GRM7: variants seen among roughly 807,000 people sequenced by gnomAD.
GRM7 encodes glutamate metabotropic receptor 7.
A neutral mutation model predicts 84.5 loss-of-function variants in GRM7; 35 were observed. That is an observed-to-expected ratio of 0.41 (90% CI 0.32 to 0.55). The LOEUF (loss-of-function observed/expected upper bound fraction) is 0.55, where lower values mean the gene tolerates loss of function less well. GRM7 is among the 20% of genes least tolerant of loss of function. The pLI, the probability that GRM7 is intolerant of heterozygous loss-of-function variation, is 0.19. For missense variants in GRM7, 1,003 were observed against 1,194.6 expected (o/e 0.84, Z 2.36); for synonymous variants, 487 against 455.1 (o/e 1.07, Z -0.89).
chr3:6,965,845 G>A (rs1167594832), intron 1 of GRM7, among the ~76,000 whole-genome samples: 1 of 152,116 alleles, frequency 6.6e-6, no homozygotes, highest in Non-Finnish European at 1.5e-5. Flanking sequence ...TGCTATTGAG[G>A]GGTCTGCTGA....
chr3:7,436,036 G>T (rs535208556), intron 5 of GRM7, among the ~76,000 whole-genome samples: 1 of 151,282 alleles, frequency 6.6e-6, no homozygotes, highest in Non-Finnish European at 1.5e-5. Context: ...TAGTAGAGAC[G>T]AAGTTTCACC....
At chr3:6,879,724 C>T (rs531923932) in intron 1 of GRM7, among the ~76,000 whole-genome samples, 4 of 152,298 alleles carry the variant, frequency 2.6e-5, no homozygotes, top group African/African-American at 9.6e-5. Context: ...AGGAAGAATT[C>T]TGGGAACCTG....
At chr3:7,395,038 CAA>C (rs33944777) in intron 4 of GRM7, among the ~76,000 whole-genome samples, 53,306 of 135,706 alleles carry the variant, frequency 0.39, 10,179 homozygotes, top group Non-Finnish European at 0.43. Flanking sequence ...AACTCTGTCT[CAA>C]AAAAAAAAAA....
chr3:7,473,504 GAGAGAGAGA>G (rs1368470798), intron 7 of GRM7, among the ~76,000 whole-genome samples: 70 of 150,608 alleles, frequency 4.6e-4, no homozygotes, highest in African/African-American at 1.7e-3. Context: ...GAGAGAGAGA[GAGAGAGAGA>G]GAGAGAGAGA....
At chr3:7,502,783 A>G (rs183660801) in intron 7 of GRM7, among the ~76,000 whole-genome samples, 2 of 152,300 alleles carry the variant, frequency 1.3e-5, no homozygotes, top group East Asian at 1.9e-4. Flanking sequence ...TCCTAAGTGG[A>G]TGAGGATATT....
chr3:7,181,657 G>T (rs1223453858), intron 2 of GRM7, among the ~76,000 whole-genome samples: 2 of 152,106 alleles, frequency 1.3e-5, no homozygotes, highest in African/African-American at 2.4e-5. Flanking sequence ...CACCCAGGCT[G>T]GAGTGCGGTG....
At chr3:7,598,167 G>C (rs1216673225) in intron 8 of GRM7, among the ~76,000 whole-genome samples, 2 of 152,330 alleles carry the variant, frequency 1.3e-5, no homozygotes, top group East Asian at 1.9e-4. Flanking sequence ...GGAATATAGA[G>C]ATGCATAGGT....
intron 7 of GRM7, among the ~76,000 whole-genome samples, chr3:7,487,076 T>C (rs528538779): frequency 1.1e-4 from 16 of 152,256 alleles, no homozygotes; most frequent in Admixed American, 2.6e-4. Context: ...AATACAGTTG[T>C]GAAGAACTTG....
chr3:7,368,745 G>A (rs988515605), intron 4 of GRM7, among the ~76,000 whole-genome samples: 9 of 152,110 alleles, frequency 5.9e-5, no homozygotes, highest in African/African-American at 2.2e-4. Context: ...ACAGAGGGCT[G>A]AACTGTTCTT....
At chr3:7,706,446 AGG>A (rs1701391749) in intron 9 of GRM7, among the ~76,000 whole-genome samples, 1 of 151,460 alleles carries the variant, frequency 6.6e-6, no homozygotes, top group Non-Finnish European at 1.5e-5. Flanking sequence ...GCAAGTTTGG[AGG>A]GAAGATTTTT....
intron 7 of GRM7, among the ~76,000 whole-genome samples, chr3:7,542,240 A>G (rs1354630784): frequency 6.6e-6 from 1 of 152,078 alleles, no homozygotes; most frequent in East Asian, 1.9e-4. Flanking sequence ...CATAACAAAT[A>G]CCTCTCAAGA....
chr3:7,177,844 G>C (rs1383086025), intron 2 of GRM7, among the ~76,000 whole-genome samples: 1 of 152,144 alleles, frequency 6.6e-6, no homozygotes, highest in Non-Finnish European at 1.5e-5. Context: ...CCTCAAGTCT[G>C]ATTAAATCCT....
intron 2 of GRM7, among the ~76,000 whole-genome samples, chr3:7,212,862 A>G (rs551402684): frequency 1.2e-4 from 18 of 152,170 alleles, no homozygotes; most frequent in Admixed American, 3.9e-4. Context: ...AAGACACTGC[A>G]TGCTGAGTTT....
At chr3:7,076,751 T>C (rs577503805) in intron 1 of GRM7, among the ~76,000 whole-genome samples, 1 of 151,812 alleles carries the variant, frequency 6.6e-6, no homozygotes, top group Non-Finnish European at 1.5e-5. Context: ...AAAGAAAAAA[T>C]TGTGCTATAT....
chr3:7,073,247 A>T (rs1697948667), intron 1 of GRM7, among the ~76,000 whole-genome samples: 1 of 152,056 alleles, frequency 6.6e-6, no homozygotes, highest in African/African-American at 2.4e-5. Context: ...CCAAGATACA[A>T]AAAAAGCATA....
At chr3:7,243,796 G>A (rs1697653663) in intron 2 of GRM7, among the ~76,000 whole-genome samples, 1 of 152,032 alleles carries the variant, frequency 6.6e-6, no homozygotes, top group Non-Finnish European at 1.5e-5. Context: ...GCCTACTATA[G>A]GCTATATGGT....
At chr3:7,473,408 C>T (rs932857785) in intron 7 of GRM7, among the ~76,000 whole-genome samples, 3 of 150,416 alleles carry the variant, frequency 2.0e-5, no homozygotes, top group South Asian at 2.1e-4. Flanking sequence ...CCCAGGAGTT[C>T]GAGAAAGCAA....
chr3:7,429,454 T>G (rs1218430811), intron 5 of GRM7, among the ~76,000 whole-genome samples: 1 of 152,224 alleles, frequency 6.6e-6, no homozygotes, highest in African/African-American at 2.4e-5. Context: ...TATTTTGATT[T>G]GTATTTCTTG....
intron 1 of GRM7, among the ~76,000 whole-genome samples, chr3:6,949,046 C>T (rs958778483): frequency 6.9e-6 from 1 of 144,658 alleles, no homozygotes; most frequent in Admixed American, 7.2e-5. Flanking sequence ...GAGCATTTAG[C>T]CCATTTACAT....
Sources: gnomAD v4.1 joint callset for allele counts (sites outside exome capture counted in the v4.1 genomes callset) on GRCh38, gnomAD v4.1.1 for gene constraint, MANE v1.5 for transcripts, NCBI Gene and HGNC (gene_info 2026-07-23, HGNC 2026-07-21) for gene names.